Variants in MAP2K1 observed in about 807,000 individuals in gnomAD.
MAP2K1 encodes the protein mitogen-activated protein kinase kinase 1, also known as dual specificity mitogen-activated protein kinase kinase 1.
MAP2K1 carries 16 observed loss-of-function variants against 46.3 expected under a neutral mutation model. That is an observed-to-expected ratio of 0.35 (90% CI 0.23 to 0.52). The LOEUF is 0.52. MAP2K1 is among the 20% of genes least tolerant of loss of function. The pLI is 0.94. For missense variants in MAP2K1, 263 were observed against 497.1 expected, an observed-to-expected ratio of 0.53 and a Z score of 4.48; for synonymous variants, 183 against 185.6, an observed-to-expected ratio of 0.99 and a Z score of 0.11.
intron 1 of MAP2K1, among the ~76,000 whole-genome samples, chr15:66,430,455 C>T (rs1360548821): frequency 6.6e-6 from 1 of 152,134 alleles, no homozygotes; most frequent in Non-Finnish European, 1.5e-5. Context: ...TGGCCTATTT[C>T]TGTTTGCTGT....
chr15:66,474,781 C>T (rs996605275), intron 5 of MAP2K1, among the ~76,000 whole-genome samples: 3 of 152,018 alleles, frequency 2.0e-5, no homozygotes, highest in Non-Finnish European at 2.9e-5. Context: ...ATAATGCTTA[C>T]CTCACAGTGT....
At chr15:66,465,829 G>A (rs12905166) in intron 5 of MAP2K1, among the ~76,000 whole-genome samples, 8,562 of 152,276 alleles carry the variant, frequency 0.056, 347 homozygotes, top group Middle Eastern at 0.11. Flanking sequence ...TTATTTCTAT[G>A]AAGTACAGTA....
intron 1 of MAP2K1, chr15:66,415,127 A>T: frequency 1.9e-6 from 1 of 524,764 alleles, no homozygotes; most frequent in Non-Finnish European, 3.8e-6. Context: ...TCCTGCATCA[A>T]GCTCCAGCTT....
At chr15:66,457,901 T>C (rs1333670250) in intron 5 of MAP2K1, among the ~76,000 whole-genome samples, 1 of 151,868 alleles carries the variant, frequency 6.6e-6, no homozygotes, top group Non-Finnish European at 1.5e-5. Flanking sequence ...AGGCAGAGGT[T>C]TCAGTGAGCC....
chr15:66,485,810 G>C, intron 7 of MAP2K1, among the ~76,000 whole-genome samples: 1 of 152,118 alleles, frequency 6.6e-6, no homozygotes, highest in East Asian at 1.9e-4. Flanking sequence ...GAACTTTTGG[G>C]CTCAAGCAAT....
intron 3 of MAP2K1, among the ~76,000 whole-genome samples, chr15:66,438,538 C>G (rs1327401823): frequency 2.0e-5 from 3 of 152,188 alleles, no homozygotes; most frequent in Non-Finnish European, 4.4e-5. Context: ...CTCTTGTGCC[C>G]TTGCCATGTC....
At chr15:66,408,901 A>G (rs571036612) in intron 1 of MAP2K1, among the ~76,000 whole-genome samples, 2 of 152,276 alleles carry the variant, frequency 1.3e-5, no homozygotes, top group South Asian at 2.1e-4. Flanking sequence ...CACTCTGTAC[A>G]TATTCCATCA....
intron 5 of MAP2K1, among the ~76,000 whole-genome samples, chr15:66,480,521 C>G (rs4258558): frequency 1 from 152,216 of 152,296 alleles, 76,068 homozygotes; most frequent in Non-Finnish European, 1. Flanking sequence ...TGTGTTGCTT[C>G]AGCCCAGGAG....
intron 1 of MAP2K1, among the ~76,000 whole-genome samples, chr15:66,427,466 G>A (rs2093462134): frequency 6.6e-6 from 1 of 151,938 alleles, no homozygotes; most frequent in Non-Finnish European, 1.5e-5. Context: ...GGCTGAGGCA[G>A]GAGAATTGTG....
At position 66,436,796 on chromosome 15, in the gene MAP2K1, G is replaced by A. The variant is rs939141868; in HGVS notation, c.342G>A (p.Glu114=). Residue 114 remains glutamate (E), a synonymous_variant, in exon 3 of 11, where the codon GAG becomes GAA. Coordinates refer to ENST00000307102, the MANE Select transcript of MAP2K1 (RefSeq NM_002755.4). ...KPAIRNQIIR[E]LQVLHECNSP... ...CAATCCGGAACCAGATCATAAGGGA[G>A]CTGCAGGTTCTGCATGAGTGCAACT... 2 of 1,614,208 alleles carry A rather than the reference G, an allele frequency of 1.2e-6. No individual in the cohort carries two copies. Among genetic ancestry groups the A allele is most frequent in the African/African-American group, 2.7e-5 (2 of 75,060 alleles).
intron 1 of MAP2K1, among the ~76,000 whole-genome samples, chr15:66,400,038 CTT>C (rs1759158690): frequency 6.6e-6 from 1 of 152,114 alleles, no homozygotes; most frequent in South Asian, 2.1e-4. Context: ...CTTTATGAAT[CTT>C]TTTCTTATTA....
At chr15:66,438,943 G>T (rs2093496203) in intron 3 of MAP2K1, among the ~76,000 whole-genome samples, 1 of 152,206 alleles carries the variant, frequency 6.6e-6, no homozygotes, top group South Asian at 2.1e-4. Flanking sequence ...AGAATAGTCA[G>T]TCAGTGGTAG....
intron 5 of MAP2K1, among the ~76,000 whole-genome samples, chr15:66,466,147 A>G (rs1402538548): frequency 2.0e-5 from 3 of 152,236 alleles, no homozygotes; most frequent in Non-Finnish European, 2.9e-5. Context: ...TATTGGCTTT[A>G]TAAATCAAGT....
At chr15:66,402,242 G>T (rs1280470658) in intron 1 of MAP2K1, among the ~76,000 whole-genome samples, 1 of 152,120 alleles carries the variant, frequency 6.6e-6, no homozygotes, top group Non-Finnish European at 1.5e-5. Flanking sequence ...GGAATATGTG[G>T]CTTCATTTTC....
intron 1 of MAP2K1, among the ~76,000 whole-genome samples, chr15:66,390,712 G>T (rs1349441694): frequency 6.6e-6 from 1 of 152,072 alleles, no homozygotes; most frequent in East Asian, 1.9e-4. Context: ...TGTTCTTCTG[G>T]TTCTATTGCA....
chr15:66,489,410 T>TGC (rs889124723), intron 9 of MAP2K1, 134 bp downstream of exon 9: 5 of 882,732 alleles, frequency 5.7e-6, no homozygotes, highest in African/African-American at 1.7e-5. Context: ...GATTCTTGGC[T>TGC]GCTGCCATAA....
intron 10 of MAP2K1, 28 bp downstream of exon 10, chr15:66,489,791 A>G (rs1893181813): frequency 6.3e-7 from 1 of 1,581,478 alleles, no homozygotes; most frequent in Non-Finnish European, 8.7e-7. Flanking sequence ...GGATTCTTAC[A>G]GTACCTGTTT....
intron 5 of MAP2K1, among the ~76,000 whole-genome samples, chr15:66,474,411 C>T (rs1194471421): frequency 1.3e-5 from 2 of 152,156 alleles, no homozygotes; most frequent in East Asian, 1.9e-4. Flanking sequence ...AAAGAAGCAT[C>T]GTGCTCACTC....
chr15:66,429,941 G>C (rs569884152), intron 1 of MAP2K1, among the ~76,000 whole-genome samples: 113 of 151,904 alleles, frequency 7.4e-4, no homozygotes, highest in Non-Finnish European at 1.5e-3. Flanking sequence ...TTCTTATTCT[G>C]TACCTCCTCA....
Sources: gnomAD v4.1 joint callset for allele counts (sites outside exome capture counted in the v4.1 genomes callset) on GRCh38, gnomAD v4.1.1 for gene constraint, MANE v1.5 for transcripts, NCBI Gene and HGNC (gene_info 2026-07-23, HGNC 2026-07-21) for gene names.